The following INPP5B variants were observed in gnomAD, a reference collection of about 807,000 sequenced individuals.
INPP5B encodes the protein type II inositol 1,4,5-trisphosphate 5-phosphatase.
A neutral mutation model predicts 118.5 loss-of-function variants in INPP5B; 90 were observed. That is an observed-to-expected ratio of 0.76 (90% confidence interval 0.64 to 0.90). The LOEUF is 0.90. Ranked by LOEUF, INPP5B falls within the 40% of genes least tolerant of loss-of-function variation. INPP5B has a pLI of 0.00. For missense variants in INPP5B, 984 were observed against 1,125.6 expected, an observed-to-expected ratio of 0.87 and a Z score of 1.80; for synonymous variants, 385 against 418.9, an observed-to-expected ratio of 0.92 and a Z score of 0.99.
chr1:37,923,232 G>T (rs576675144), intron 7 of INPP5B, among the ~76,000 whole-genome samples: 1 of 152,278 alleles, frequency 6.6e-6, no homozygotes, highest in South Asian at 2.1e-4. Flanking sequence ...AATGCTAAAA[G>T]CAGCAAGTTC....
chr1:37,916,257 C>G (rs1644856952), intron 7 of INPP5B, among the ~76,000 whole-genome samples: 1 of 151,918 alleles, frequency 6.6e-6, no homozygotes, highest in African/African-American at 2.4e-5. Context: ...CTACACCCAG[C>G]TTATTTTTGA....
At chr1:37,896,243 C>A (rs1432547156) in intron 7 of INPP5B, among the ~76,000 whole-genome samples, 2 of 150,074 alleles carry the variant, frequency 1.3e-5, no homozygotes, top group African/African-American at 4.9e-5. Context: ...CTGGCAACCG[C>A]CCCGTCTGAG....
chr1:37,917,308 TTATATATATATATATA>T (rs368327131), intron 7 of INPP5B, among the ~76,000 whole-genome samples: 13 of 92,804 alleles, frequency 1.4e-4, no homozygotes, highest in South Asian at 4.6e-4. Context: ...AAAAAAATAA[TTATATATATATATATA>T]TATATATATA....
At chr1:37,885,403 G>T in intron 13 of INPP5B, 1 of 399,046 alleles carries the variant, frequency 2.5e-6, no homozygotes, top group Non-Finnish European at 4.6e-6. Context: ...GACAGAGCGC[G>T]ACTCCATCTC....
At chr1:37,943,555 G>A (rs188539714) in intron 5 of INPP5B, 85 bp downstream of exon 5, 4 of 1,429,864 alleles carry the variant, frequency 2.8e-6, no homozygotes, top group African/African-American at 2.8e-5. Context: ...TTAGCAGGGG[G>A]TGCTCTTACT....
chr1:37,867,889 C>G (rs1642142798), intron 20 of INPP5B, among the ~76,000 whole-genome samples: 1 of 152,100 alleles, frequency 6.6e-6, no homozygotes, highest in Non-Finnish European at 1.5e-5. Flanking sequence ...GGTGAGAGTT[C>G]CTGAAGGAGA....
At chr1:37,880,611 T>C (rs2148490556) in intron 14 of INPP5B, among the ~76,000 whole-genome samples, 1 of 152,182 alleles carries the variant, frequency 6.6e-6, no homozygotes, top group South Asian at 2.1e-4. Flanking sequence ...CTAACTTTTG[T>C]ATTTTTAGTA....
At chr1:37,937,242 C>CA (rs1176703437) in intron 6 of INPP5B, among the ~76,000 whole-genome samples, 2 of 151,848 alleles carry the variant, frequency 1.3e-5, no homozygotes, top group African/African-American at 4.8e-5. Context: ...ATCCAAGAGG[C>CA]GGAGGTTGCA....
At chr1:37,866,400 T>TCA (rs1192589112) in intron 21 of INPP5B, 59 bp downstream of exon 21, 4 of 686,150 alleles carry the variant, frequency 5.8e-6, no homozygotes, top group Admixed American at 5.0e-5. Flanking sequence ...TCTCTCTCTC[T>TCA]CTCTCTCACA....
chr1:37,944,470 C>T lies in INPP5B; in HGVS notation c.153-577G>A, dbSNP rs140268421. Among the ~76,000 whole-genome samples the T allele has an allele frequency of 1.6e-4, 24 of 152,150 alleles. 1 individual carries two copies. In the East Asian group the frequency reaches 4.6e-3, roughly 29 times the overall value. On this transcript the variant is annotated intron_variant, in intron 3 of 23. Transcript: ENST00000373024. ...TAGGGGTCTCACTATATTGCCCAGG[C>T]TGGTCTTGAACTCAAGCAGTCCTCC...
In INPP5B at chr1:37,939,973, C is replaced by T. The variant is rs555715849; in HGVS notation, c.391+715G>A. On this transcript the variant is annotated intron_variant, in intron 6 of 23. Transcript: ENST00000373024. ...AAGGGCAGTCCCCTTCCTGGCACAGCAAGCAAAATAAAGTGAAGCCCCTGG... is the reference window on the plus strand; with the variant it reads ...AAGGGCAGTCCCCTTCCTGGCACAGTAAGCAAAATAAAGTGAAGCCCCTGG... Among the ~76,000 whole-genome samples the T allele has an allele frequency of 6.2e-4, 94 of 152,216 alleles. 1 individual carries two copies. Among genetic ancestry groups the T allele is most frequent in the African/African-American group, 2.2e-3 (92 of 41,538 alleles).
chr1:37,876,234 G>C (rs1642794931), intron 16 of INPP5B, among the ~76,000 whole-genome samples: 1 of 151,320 alleles, frequency 6.6e-6, no homozygotes, highest in Non-Finnish European at 1.5e-5. Flanking sequence ...CCCCCAAGTA[G>C]CTGAGACCAC....
rs1488048520 is a variant in INPP5B at position 37,885,817 on chromosome 1, C to T, written c.1140G>A (p.Lys380=). 6.2e-7 allele frequency: 1 copy of T among 1,613,842 alleles called. No individual in the cohort carries two copies. The highest frequency in any genetic ancestry group is 1.7e-5 in the Admixed American group (1 of 59,994). ...GTGIMGRMGN[K]GGVAIRFQFH... ...ACTGGAACCTGATCGCCACGCCTCCCTTGTTGCCCTATGGAAAGGATCCCC... is the reference window on the plus strand; with the variant it reads ...ACTGGAACCTGATCGCCACGCCTCCTTTGTTGCCCTATGGAAAGGATCCCC... The change falls in exon 13 of 24, where the codon AAG becomes AAA. Residue 380 remains lysine (K), a synonymous_variant. Transcript: ENST00000373024.
intron 7 of INPP5B, among the ~76,000 whole-genome samples, chr1:37,896,476 G>C (rs890729851): frequency 6.9e-6 from 1 of 145,018 alleles, no homozygotes; most frequent in African/African-American, 2.6e-5. Flanking sequence ...GAGGTGGGGG[G>C]ATCAGCCCCC....
intron 20 of INPP5B, among the ~76,000 whole-genome samples, chr1:37,867,022 A>C (rs371343597): frequency 3.7e-4 from 57 of 152,308 alleles, no homozygotes; most frequent in African/African-American, 1.3e-3. Context: ...TCACGAGGTC[A>C]GGAGATTGAG....
At position 37,932,048 on chromosome 1, in the gene INPP5B, C is replaced by A; in HGVS notation, c.397G>T (p.Asp133Tyr). The change falls in exon 7 of 24, where the codon GAT becomes TAT. Residue 133 changes from aspartate to tyrosine, a missense_variant. Physicochemically the swap from Asp to Tyr is radical, Grantham distance 160. Around this residue, in one of 2 missense-constraint regions of INPP5B, gnomAD observed 350 missense variants for 334.6 expected, o/e 1.05. Transcript: ENST00000373024. Reference sequence around the variant, plus strand: ...AATTCAGGATCCCGGGTCGCAGAATCGAAGCCTGTGCAGGAACAAATGGGG... The same window carrying A: ...AATTCAGGATCCCGGGTCGCAGAATAGAAGCCTGTGCAGGAACAAATGGGG... Reference protein sequence around the residue: ...HEVARACPGFDSATRDPEFLW... With the variant: ...HEVARACPGFYSATRDPEFLW... 6.3e-7 allele frequency: 1 copy of A among 1,593,540 alleles called. No individual in the cohort carries two copies. The highest frequency in any genetic ancestry group is 8.6e-7 in the Non-Finnish European group (1 of 1,169,068).
At chr1:37,917,308 T>TTATATATATACATATATATATA (rs1644903911) in intron 7 of INPP5B, among the ~76,000 whole-genome samples, 1 of 92,796 alleles carries the variant, frequency 1.1e-5, no homozygotes, top group Non-Finnish European at 2.0e-5. Context: ...AAAAAAATAA[T>TTATATATATACATATATATATA]TATATATATA....
chr1:37,898,724 T>C (rs36084352), intron 7 of INPP5B, among the ~76,000 whole-genome samples: 51,946 of 151,224 alleles, frequency 0.34, 10,239 homozygotes, highest in Non-Finnish European at 0.45. Context: ...CCTTAATGTA[T>C]ACAAAATTTT....
intron 3 of INPP5B, among the ~76,000 whole-genome samples, 177 bp downstream of exon 3, chr1:37,945,579 G>A (rs1646082013): frequency 6.6e-6 from 1 of 152,222 alleles, no homozygotes; most frequent in South Asian, 2.1e-4. Context: ...TGAGGATTAT[G>A]AGTTAGTACG....
Sources: gnomAD v4.1 joint callset for allele counts (sites outside exome capture counted in the v4.1 genomes callset) on GRCh38, gnomAD v4.1.1 for gene constraint, gnomAD v4.1.1 regional missense constraint, MANE v1.5 for transcripts, NCBI Gene and HGNC (gene_info 2026-07-23, HGNC 2026-07-21) for gene names.